ELAPOR2: variants seen among roughly 807,000 people sequenced by gnomAD.
ELAPOR2 encodes endosome-lysosome associated apoptosis and autophagy regulator family member 2.
A neutral mutation model predicts 120.7 loss-of-function variants in ELAPOR2; 89 were observed. The ratio of observed to expected loss-of-function variants is 0.74; its 90% CI spans 0.62 to 0.88. The LOEUF (loss-of-function observed/expected upper bound fraction) is 0.88, where lower values mean the gene tolerates loss of function less well. Ranked by LOEUF, ELAPOR2 falls within the 40% of genes least tolerant of loss-of-function variation. The probability of loss-of-function intolerance (pLI) is 0.00; values close to 1 mark genes in which losing one functional copy is unlikely to be tolerated. For missense variants in ELAPOR2, 1,134 were observed against 1,251.6 expected (o/e 0.91, Z 1.42); for synonymous variants, 444 against 444.9 (o/e 1.00, Z 0.03).
intron 19 of ELAPOR2, among the ~76,000 whole-genome samples, chr7:86,896,580 AG>A (rs972045493): frequency 3.7e-4 from 56 of 152,098 alleles, no homozygotes; most frequent in African/African-American, 8.9e-4. Context: ...CTCTCCCTTC[AG>A]GTTTCCAGGA....
chr7:87,012,606 G>A (rs962669719), intron 1 of ELAPOR2, among the ~76,000 whole-genome samples: 2 of 152,060 alleles, frequency 1.3e-5, no homozygotes, highest in African/African-American at 4.8e-5. Context: ...TGTACTTTCT[G>A]TTCACATACT....
intron 1 of ELAPOR2, among the ~76,000 whole-genome samples, chr7:87,021,904 C>T (rs1478611457): frequency 2.6e-5 from 4 of 152,112 alleles, no homozygotes; most frequent in Non-Finnish European, 2.9e-5. Flanking sequence ...ATGAGGCAAA[C>T]AGACATCTTT....
chr7:86,947,600 T>A, intron 3 of ELAPOR2, 127 bp downstream of exon 3: 1 of 816,172 alleles, frequency 1.2e-6, no homozygotes. Context: ...AAAACATGAT[T>A]CTTTGCAATT....
In ELAPOR2 at chr7:86,891,789, C is replaced by T. The variant is rs1197566978; in HGVS notation, c.2965G>A (p.Glu989Lys). ...TTATTGGAATATACAACTTCCTCTT[C>T]ATTATCTTCTCCTTCCATGATAGCA... The part of the protein sequence containing the change: ...SCAIMEGEDN[E>K]EEVVYSNKQS... The change falls in exon 21 of 22, where the codon GAA becomes AAA. Residue 989 changes from glutamate (E) to lysine (K), a missense_variant. By Grantham distance (56) the Glu-to-Lys change is moderately conservative. Coordinates refer to ENST00000450689, the MANE Select transcript of ELAPOR2 (RefSeq NM_001142749.3). 1 of 1,612,406 alleles carries T rather than the reference C, an allele frequency of 6.2e-7. No individual in the cohort carries two copies. The highest frequency in any genetic ancestry group is 8.5e-7 in the Non-Finnish European group (1 of 1,178,932).
intron 21 of ELAPOR2, among the ~76,000 whole-genome samples, chr7:86,885,860 G>C (rs926122628): frequency 1.3e-5 from 2 of 152,072 alleles, no homozygotes; most frequent in African/African-American, 4.8e-5. Context: ...TTATATGCTT[G>C]TACTTCCCCA....
At chr7:86,919,091 G>A in intron 11 of ELAPOR2, 129 bp downstream of exon 11, 1 of 595,940 alleles carries the variant, frequency 1.7e-6, no homozygotes, top group Non-Finnish European at 2.9e-6. Flanking sequence ...ATTACCCTGT[G>A]ACAGCTTGTT....
At chr7:86,906,534 C>T (rs1789024309) in intron 18 of ELAPOR2, among the ~76,000 whole-genome samples, 1 of 152,108 alleles carries the variant, frequency 6.6e-6, no homozygotes, top group African/African-American at 2.4e-5. Context: ...TGAAGCAATG[C>T]TTACACCACT....
chr7:87,043,379 C>A (rs1299772766), intron 1 of ELAPOR2, among the ~76,000 whole-genome samples: 2 of 150,070 alleles, frequency 1.3e-5, no homozygotes, highest in Admixed American at 6.6e-5. Flanking sequence ...ACTGGCAAAC[C>A]GAATCCAGCA....
Position 86,945,029 on chromosome 7 carries a change from C to T in ELAPOR2, c.524G>A (p.Arg175His), listed in dbSNP as rs778084845. Residue 175 changes from arginine (R) to histidine (H), a missense_variant, in exon 4 of 22, where the codon CGT (arginine) becomes CAT (histidine). Arg to His is a conservative substitution (Grantham distance 29). This residue lies in a region of ELAPOR2 where 280 missense variants were observed against 331.5 expected (regional missense o/e 0.84). Transcript: ENST00000450689. Reference sequence around the variant, plus strand: ...ACGATTAGATTCTATGTAGTTTCCACGAGGGATCCAAGAAGAGCTGTGGAA... The same window carrying T: ...ACGATTAGATTCTATGTAGTTTCCATGAGGGATCCAAGAAGAGCTGTGGAA... Reference protein sequence around the residue: ...DGCNNSSWIPRGNYIESNRDD... With the variant: ...DGCNNSSWIPHGNYIESNRDD... The T allele has an allele frequency of 9.1e-5, 141 of 1,549,042 alleles. No homozygotes were observed. The highest frequency in any genetic ancestry group is 8.2e-5 in the Non-Finnish European group (94 of 1,146,298).
chr7:86,987,648 T>C (rs1792798121), intron 1 of ELAPOR2, among the ~76,000 whole-genome samples: 1 of 151,706 alleles, frequency 6.6e-6, no homozygotes, highest in South Asian at 2.1e-4. Context: ...CACAATGAGA[T>C]ACCATCTCAC....
At chr7:87,012,196 G>C (rs1046728448) in intron 1 of ELAPOR2, among the ~76,000 whole-genome samples, 1 of 152,176 alleles carries the variant, frequency 6.6e-6, no homozygotes, top group African/African-American at 2.4e-5. Context: ...CAGATCACAA[G>C]GTCAGGAGAT....
intron 1 of ELAPOR2, among the ~76,000 whole-genome samples, chr7:87,029,140 C>T (rs1156590892): frequency 2.0e-5 from 3 of 152,148 alleles, no homozygotes; most frequent in African/African-American, 7.2e-5. Context: ...TAATGTCTAT[C>T]TCTTTTTACC....
At chr7:86,910,721 T>G (rs532453527) in intron 15 of ELAPOR2, among the ~76,000 whole-genome samples, 144 of 152,270 alleles carry the variant, frequency 9.5e-4, no homozygotes, top group African/African-American at 3.4e-3. Flanking sequence ...TGCAAAAGAC[T>G]ATAGCTTGCT....
At chr7:86,922,956 T>C (rs372862775) in intron 10 of ELAPOR2, among the ~76,000 whole-genome samples, 2 of 151,952 alleles carry the variant, frequency 1.3e-5, no homozygotes, top group African/African-American at 4.8e-5. Flanking sequence ...TAAACCAAAT[T>C]TAAAAATAAA....
At position 87,001,638 on chromosome 7, in the gene ELAPOR2, G is replaced by A. The variant is rs542710354; in HGVS notation, c.190-36614C>T. On this transcript the variant is annotated intron_variant, in intron 1 of 21. Transcript: ENST00000450689. ...ATTTTAGATGCTCAGAAGGGGCAAT[G>A]TTGTGCTATTGGAGCCACAGAATAC... 2.6e-5 allele frequency among the ~76,000 whole-genome samples: 4 copies of A among 152,216 alleles called. No individual in the cohort carries two copies. In the East Asian group the frequency reaches 7.7e-4, roughly 29 times the overall value.
intron 2 of ELAPOR2, among the ~76,000 whole-genome samples, chr7:86,958,586 C>T (rs73384112): frequency 0.08 from 12,231 of 152,198 alleles, 585 homozygotes; most frequent in African/African-American, 0.12. Flanking sequence ...CTTCCCACAT[C>T]CTCCCTGAGT....
intron 1 of ELAPOR2, among the ~76,000 whole-genome samples, chr7:87,039,922 A>T (rs4728665): frequency 6.6e-6 from 1 of 151,806 alleles, no homozygotes; most frequent in African/African-American, 2.4e-5. Flanking sequence ...CGCACCGTGC[A>T]CGAGCCAAAG....
At chr7:86,907,095 C>G (rs1388566900) in intron 18 of ELAPOR2, among the ~76,000 whole-genome samples, 2 of 152,064 alleles carry the variant, frequency 1.3e-5, no homozygotes, top group Non-Finnish European at 2.9e-5. Flanking sequence ...CTATAGAGGG[C>G]TATTGCCTTA....
At chr7:87,002,638 T>G (rs182152832) in intron 1 of ELAPOR2, among the ~76,000 whole-genome samples, 19 of 152,030 alleles carry the variant, frequency 1.2e-4, no homozygotes, top group Non-Finnish European at 1.3e-4. Flanking sequence ...TCATCAGGCA[T>G]GTGTCTCCTC....
Sources: allele counts gnomAD v4.1 joint callset (sites outside exome capture counted in the v4.1 genomes callset), GRCh38; gene constraint gnomAD v4.1.1; regional missense constraint gnomAD v4.1.1; transcripts MANE v1.5; gene names NCBI Gene and HGNC (gene_info 2026-07-23, HGNC 2026-07-21).